ALCAM: variants seen among roughly 807,000 people sequenced by gnomAD.
ALCAM encodes activated leukocyte cell adhesion molecule, also known as CD166 antigen.
ALCAM carries 30 observed loss-of-function variants against 70.9 expected under a neutral mutation model. The ratio of observed to expected loss-of-function variants is 0.42; its 90% CI spans 0.32 to 0.57. The LOEUF (loss-of-function observed/expected upper bound fraction) is 0.57, where lower values mean the gene tolerates loss of function less well. Ranked by LOEUF, ALCAM falls within the 20% of genes least tolerant of loss-of-function variation. The pLI is 0.11. For missense variants in ALCAM, 591 were observed against 695.1 expected (o/e 0.85, Z 1.68); for synonymous variants, 249 against 242.5 (o/e 1.03, Z -0.25).
At chr3:105,437,270 T>G (rs1354143297) in intron 1 of ALCAM, among the ~76,000 whole-genome samples, 1 of 152,228 alleles carries the variant, frequency 6.6e-6, no homozygotes, top group Admixed American at 6.5e-5. Flanking sequence ...TACAACTGAT[T>G]GTTGCCTATA....
chr3:105,526,286 TAAA>T (rs71700885), intron 3 of ALCAM, among the ~76,000 whole-genome samples: 2 of 134,998 alleles, frequency 1.5e-5, no homozygotes. Flanking sequence ...AAACATTTTG[TAAA>T]AAAAAAAAAA....
intron 1 of ALCAM, among the ~76,000 whole-genome samples, chr3:105,450,536 T>C (rs866985640): frequency 6.6e-6 from 1 of 152,194 alleles, no homozygotes. Context: ...TATCAAACCA[T>C]AAGGTGTTGT....
At chr3:105,533,537 C>T in intron 4 of ALCAM, 66 bp from the exon 5 acceptor site, 1 of 1,423,764 alleles carries the variant, frequency 7.0e-7, no homozygotes, top group Non-Finnish European at 9.9e-7. Context: ...GCCTGAGTTT[C>T]TGGAGTTTCC....
chr3:105,530,834 A>C (rs1166974886), intron 3 of ALCAM, among the ~76,000 whole-genome samples: 2 of 152,158 alleles, frequency 1.3e-5, no homozygotes, highest in East Asian at 3.9e-4. Context: ...TAATCTAAAG[A>C]TATCCATTTT....
intron 1 of ALCAM, among the ~76,000 whole-genome samples, chr3:105,372,882 C>T (rs1423903989): frequency 6.6e-6 from 1 of 152,110 alleles, no homozygotes; most frequent in Non-Finnish European, 1.5e-5. Context: ...TTCTCAAATC[C>T]TATAAATATT....
At chr3:105,486,957 C>CATTTATTTATTT (rs9288808) in intron 1 of ALCAM, among the ~76,000 whole-genome samples, 13,935 of 148,796 alleles carry the variant, frequency 0.094, 851 homozygotes, top group Non-Finnish European at 0.14. Flanking sequence ...GAGCATAAGA[C>CATTTATTTATTT]ATTTATTTAT....
chr3:105,398,901 T>C (rs545356138), intron 1 of ALCAM, among the ~76,000 whole-genome samples: 2 of 152,090 alleles, frequency 1.3e-5, no homozygotes, highest in African/African-American at 4.8e-5. Flanking sequence ...ATAAGCTTTT[T>C]TTTTTCCTTT....
rs144637525 is a variant in ALCAM, at chr3:105,426,620, T to C, written c.73+59139T>C. The stretch of plus-strand genomic sequence containing the variant: ...CCAGACCTTATCCCTCCTATCTTAC[T>C]GTAGATTTGTACTCGTTGACAAATA... On this transcript the variant is annotated intron_variant, in intron 1 of 15. Coordinates refer to ENST00000306107, the MANE Select transcript of ALCAM (RefSeq NM_001627.4). 1.2e-3 allele frequency among the ~76,000 whole-genome samples: 180 copies of C among 152,080 alleles called. 2 individuals carry two copies. The highest frequency in any genetic ancestry group is 3.4e-3 in the Middle Eastern group (1 of 294).
At chr3:105,432,354 A>G (rs1576159310) in intron 1 of ALCAM, among the ~76,000 whole-genome samples, 1 of 152,168 alleles carries the variant, frequency 6.6e-6, no homozygotes, top group African/African-American at 2.4e-5. Context: ...GTAATTAAAC[A>G]TAAACTTCAA....
intron 1 of ALCAM, among the ~76,000 whole-genome samples, chr3:105,466,835 G>A (rs1213116668): frequency 3.3e-5 from 5 of 151,298 alleles, no homozygotes; most frequent in Admixed American, 2.0e-4. Context: ...GAGACTCAGT[G>A]TCTAGTTTCA....
At chr3:105,458,989 TCTCA>T in intron 1 of ALCAM, among the ~76,000 whole-genome samples, 1 of 152,304 alleles carries the variant, frequency 6.6e-6, no homozygotes, top group African/African-American at 2.4e-5. Context: ...CAAATTCTTT[TCTCA>T]CTCAGTTATT....
chr3:105,510,671 G>C (rs1939213106), intron 1 of ALCAM, among the ~76,000 whole-genome samples: 2 of 151,996 alleles, frequency 1.3e-5, no homozygotes, highest in Non-Finnish European at 2.9e-5. Context: ...TTCATGTCAG[G>C]GTTTAGTAAC....
intron 1 of ALCAM, among the ~76,000 whole-genome samples, chr3:105,442,596 A>G (rs973738263): frequency 3.9e-5 from 6 of 152,120 alleles, no homozygotes; most frequent in Non-Finnish European, 7.4e-5. Flanking sequence ...CCTGGCTAAC[A>G]TGGTGAAACC....
chr3:105,523,627 T>G (rs756731917), intron 2 of ALCAM, among the ~76,000 whole-genome samples: 1 of 152,234 alleles, frequency 6.6e-6, no homozygotes, highest in Non-Finnish European at 1.5e-5. Context: ...TAATTGTGTA[T>G]GCAGAGTACA....
At chr3:105,417,729 C>CT (rs1168981555) in intron 1 of ALCAM, among the ~76,000 whole-genome samples, 1 of 129,074 alleles carries the variant, frequency 7.7e-6, no homozygotes, top group Admixed American at 7.5e-5. Flanking sequence ...TTTACTTCCT[C>CT]TTTTTTTTCA....
chr3:105,552,193 T>TG lies in ALCAM; in HGVS notation c.1546+12dup, dbSNP rs764840925. ...CAGACGAGATAAGTGGTAGGTACTA[T>TG]GCTGCCGACTCTTCTTCCTTGACTA... On this transcript the variant is annotated intron_variant, in intron 13 of 15. Transcript: ENST00000306107. 22 of 1,598,232 alleles carry TG rather than the reference T, an allele frequency of 1.4e-5. No individual in the cohort carries two copies. In the South Asian group the frequency reaches 2.4e-4, roughly 17 times the overall value.
intron 1 of ALCAM, among the ~76,000 whole-genome samples, chr3:105,400,982 A>T (rs2107371155): frequency 6.6e-6 from 1 of 152,350 alleles, no homozygotes; most frequent in African/African-American, 2.4e-5. Flanking sequence ...GCACTCAAGA[A>T]TCGAACTATT....
At position 105,520,016 on chromosome 3, in the gene ALCAM, T is replaced by G. The variant is rs192639271; in HGVS notation, c.74-51T>G. The stretch of plus-strand genomic sequence containing the variant: ...TGTCATTTCAAGAAAGCATTTAAAA[T>G]TTTGTTCTCTCTCTCTTTCTCTCTT... On this transcript the variant is annotated intron_variant, in intron 1 of 15. Transcript: ENST00000306107. The G allele has an allele frequency of 3.3e-5, 41 of 1,247,072 alleles. No individual in the cohort carries two copies. The African/African-American group carries it at 4.7e-4, about 14-fold the overall frequency. 77.3% of individuals were successfully genotyped at this position (1,247,072 alleles called of 1,614,324 possible).
At chr3:105,561,796 G>A (rs535911301) in intron 14 of ALCAM, among the ~76,000 whole-genome samples, 27 of 152,242 alleles carry the variant, frequency 1.8e-4, no homozygotes, top group African/African-American at 5.3e-4. Flanking sequence ...TTAAAAATCA[G>A]CCAAGGGAAA....
Sources: gnomAD v4.1 joint callset for allele counts (sites outside exome capture counted in the v4.1 genomes callset) on GRCh38, gnomAD v4.1.1 for gene constraint, MANE v1.5 for transcripts, NCBI Gene and HGNC (gene_info 2026-07-23, HGNC 2026-07-21) for gene names.